PTPRD: variants seen among roughly 807,000 people sequenced by gnomAD.
PTPRD encodes the protein receptor-type tyrosine-protein phosphatase delta.
In PTPRD, 34 loss-of-function variants were observed where a neutral mutation model predicts 214.5. That is an observed-to-expected ratio of 0.16 (90% CI 0.12 to 0.21). The LOEUF is 0.21. Ranked by LOEUF, PTPRD falls within the 10% of genes least tolerant of loss-of-function variation. The pLI is 1.00. For synonymous variants in PTPRD, 1,128 were observed against 845.7 expected (o/e 1.33, Z -5.79); for missense variants, 2,545 against 2,398.7 (o/e 1.06, Z -1.27).
chr9:9,423,987 G>C (rs2079836259), intron 8 of PTPRD, among the ~76,000 whole-genome samples: 1 of 152,162 alleles, frequency 6.6e-6, no homozygotes, highest in South Asian at 2.1e-4. Context: ...CCAAGTGCTG[G>C]AAGTATTGGC....
At chr9:10,080,625 G>T (rs2098221205) in intron 3 of PTPRD, among the ~76,000 whole-genome samples, 1 of 151,914 alleles carries the variant, frequency 6.6e-6, no homozygotes, top group Non-Finnish European at 1.5e-5. Context: ...TAACATAAAA[G>T]GCTTTGCCTT....
At chr9:9,148,403 T>G (rs116072000) in intron 10 of PTPRD, among the ~76,000 whole-genome samples, 111 of 152,236 alleles carry the variant, frequency 7.3e-4, no homozygotes, top group African/African-American at 2.2e-3. Flanking sequence ...AACCTGTAAT[T>G]ATATGTGGAA....
chr9:10,077,449 T>G (rs2098150945), intron 3 of PTPRD, among the ~76,000 whole-genome samples: 2 of 152,168 alleles, frequency 1.3e-5, no homozygotes, highest in Non-Finnish European at 2.9e-5. Context: ...AGAGCTAGAT[T>G]AGGGCTCAGA....
chr9:8,355,785 C>G (rs1299487610), intron 39 of PTPRD, among the ~76,000 whole-genome samples: 5 of 152,172 alleles, frequency 3.3e-5, no homozygotes, highest in African/African-American at 1.2e-4. Context: ...CCCAGAGGTT[C>G]TTATTCAGTA....
At position 9,817,208 on chromosome 9, in the gene PTPRD, T is replaced by C. The variant is rs1598639705; in HGVS notation, c.-367-50357A>G. On this transcript the variant is annotated intron_variant, in intron 5 of 45. Transcript: ENST00000381196. ...TGACTGTGTAGACTAACTTGAAAAA[T>C]AAATCTTAAAACTCATTGCTAAATC... is the stretch of plus-strand genomic sequence containing the variant. Among the ~76,000 whole-genome samples the C allele has an allele frequency of 2.6e-5, 4 of 152,218 alleles. No homozygotes were observed. In the South Asian group the frequency reaches 8.3e-4, roughly 32 times the overall value.
intron 44 of PTPRD, 21 bp downstream of exon 44, chr9:8,331,561 T>C: frequency 1.1e-6 from 1 of 897,046 alleles, no homozygotes; most frequent in Non-Finnish European, 1.4e-6. Context: ...ATCACTGCTT[T>C]ATTCACAAAT....
At chr9:8,543,283 CAA>C (rs2078968677) in intron 14 of PTPRD, among the ~76,000 whole-genome samples, 1 of 152,172 alleles carries the variant, frequency 6.6e-6, no homozygotes, top group Admixed American at 6.5e-5. Context: ...TAATTCTTAA[CAA>C]AGTGACAGCA....
chr9:9,380,528 A>C (rs1359445107), intron 9 of PTPRD, among the ~76,000 whole-genome samples: 1 of 152,014 alleles, frequency 6.6e-6, no homozygotes, highest in Non-Finnish European at 1.5e-5. Flanking sequence ...TTATAGTTTG[A>C]TTTGTGATAT....
chr9:8,513,951 G>A (rs2097732795), intron 21 of PTPRD, among the ~76,000 whole-genome samples: 1 of 151,946 alleles, frequency 6.6e-6, no homozygotes, highest in East Asian at 1.9e-4. Flanking sequence ...GAAGATTCTT[G>A]GAAACATCTT....
chr9:9,550,458 C>T (rs828835), intron 8 of PTPRD, among the ~76,000 whole-genome samples: 54,519 of 147,046 alleles, frequency 0.37, 10,360 homozygotes, highest in Non-Finnish European at 0.39. Context: ...TAGTATTATA[C>T]GTAGTATATT....
chr9:8,883,584 C>T (rs771016551), intron 11 of PTPRD, among the ~76,000 whole-genome samples: 2 of 152,142 alleles, frequency 1.3e-5, no homozygotes, highest in Admixed American at 6.5e-5. Flanking sequence ...GATCTAAATG[C>T]ACTCTGACAT....
Position 10,294,899 on chromosome 9 carries a change from C to T in PTPRD, c.-545+46064G>A, listed in dbSNP as rs756986129. ...ATGGAAAATAGGTTTTGGAACGCCACGTTTGTTTATTGTATGGTTTGACAT... is the reference window on the plus strand; with the variant it reads ...ATGGAAAATAGGTTTTGGAACGCCATGTTTGTTTATTGTATGGTTTGACAT... On this transcript the variant is annotated intron_variant, in intron 3 of 45. Transcript: ENST00000381196. 3.9e-5 allele frequency among the ~76,000 whole-genome samples: 6 copies of T among 151,952 alleles called. No individual in the cohort carries two copies. In the South Asian group the frequency reaches 8.3e-4, roughly 21 times the overall value.
At chr9:10,441,663 T>A (rs1306071226) in intron 2 of PTPRD, among the ~76,000 whole-genome samples, 1 of 151,662 alleles carries the variant, frequency 6.6e-6, no homozygotes, top group Admixed American at 6.6e-5. Flanking sequence ...TAACCATAAG[T>A]CAATGAATGG....
Position 9,208,020 on chromosome 9 carries a change from C to CTTTTTTTTTTTTTTTTT in PTPRD, c.-202-24674_-202-24658dup, listed in dbSNP as rs749709602. 3.3e-3 allele frequency among the ~76,000 whole-genome samples: 177 copies of CTTTTTTTTTTTTTTTTT among 53,254 alleles called. 59 individuals are homozygous for CTTTTTTTTTTTTTTTTT. Among genetic ancestry groups the CTTTTTTTTTTTTTTTTT allele is most frequent in the Admixed American group, 0.011 (32 of 2,818 alleles). 34.9% of individuals were successfully genotyped at this position (53,254 alleles called of 152,430 possible). A position where few individuals can be genotyped will look rare whatever the true frequency, so the allele number is the denominator to read the frequency against. ...TGGTATGGCTATTCATATATATCTG[C>CTTTTTTTTTTTTTTTTT]TTTTTTTTTTTTTTTTTGAGACAGA... On this transcript the variant is annotated intron_variant, in intron 9 of 45. Coordinates refer to ENST00000381196, the MANE Select transcript of PTPRD (RefSeq NM_002839.4).
intron 4 of PTPRD, among the ~76,000 whole-genome samples, chr9:9,959,158 A>G (rs549649838): frequency 1.3e-5 from 2 of 152,344 alleles, no homozygotes; most frequent in African/African-American, 4.8e-5. Context: ...ATAAAATATT[A>G]TTCAGCAATA....
Position 9,555,977 on chromosome 9 carries a change from TG to T in PTPRD, c.-237+18754del, listed in dbSNP as rs1372712497. ...TTTGTGTCTTAAATTACTCCTTTTATGGCCTTAGATTGTACAGTTGACCCTT... is the reference window on the plus strand; with the variant it reads ...TTTGTGTCTTAAATTACTCCTTTTATGCCTTAGATTGTACAGTTGACCCTT... On this transcript the variant is annotated intron_variant, in intron 8 of 45. Transcript: ENST00000381196. Among the ~76,000 whole-genome samples the T allele has an allele frequency of 3.3e-5, 5 of 152,260 alleles. No individual in the cohort carries two copies. The East Asian group carries it at 9.7e-4, about 29-fold the overall frequency.
chr9:9,131,042 T>C (rs10977508), intron 10 of PTPRD, among the ~76,000 whole-genome samples: 1 of 152,076 alleles, frequency 6.6e-6, no homozygotes, highest in Non-Finnish European at 1.5e-5. Flanking sequence ...ACAAATCCGG[T>C]GCTTTTGTAG....
At chr9:8,695,403 C>A (rs1434377544) in intron 12 of PTPRD, among the ~76,000 whole-genome samples, 1 of 151,838 alleles carries the variant, frequency 6.6e-6, no homozygotes, top group South Asian at 2.1e-4. Context: ...CGCACCCCCA[C>A]CCACTGGCAT....
chr9:10,391,327 G>A (rs1474391690), intron 2 of PTPRD, among the ~76,000 whole-genome samples: 1 of 151,646 alleles, frequency 6.6e-6, no homozygotes, highest in African/African-American at 2.4e-5. Flanking sequence ...AAATCTGACA[G>A]TTTTCTTTTT....
Sources: gnomAD v4.1 joint callset for allele counts (sites outside exome capture counted in the v4.1 genomes callset) on GRCh38, gnomAD v4.1.1 for gene constraint, MANE v1.5 for transcripts, NCBI Gene and HGNC (gene_info 2026-07-23, HGNC 2026-07-21) for gene names.